EIF2A: variants seen among roughly 807,000 people sequenced by gnomAD.
EIF2A encodes eukaryotic translation initiation factor 2A.
A neutral mutation model predicts 75.2 loss-of-function variants in EIF2A; 62 were observed. The observed-to-expected ratio is 0.82, with a 90% CI of 0.67 to 1.02. The LOEUF (loss-of-function observed/expected upper bound fraction) is 1.02, where lower values mean the gene tolerates loss of function less well. Among genes scored for constraint, EIF2A ranks in the 50% least tolerant of loss-of-function variants. The probability of loss-of-function intolerance (pLI) is 0.00; values close to 1 mark genes in which losing one functional copy is unlikely to be tolerated. For synonymous variants in EIF2A, 207 were observed against 239.0 expected (o/e 0.87, Z 1.23); for missense variants, 611 against 677.7 (o/e 0.90, Z 1.09).
At chr3:150,558,348 A>G in intron 2 of EIF2A, 40 bp from the exon 3 acceptor site, 1 of 1,444,412 alleles carries the variant, frequency 6.9e-7, no homozygotes, top group East Asian at 2.8e-5. Flanking sequence ...AAAAGTATTA[A>G]TGCTTATTCA....
At chr3:150,575,871 T>C in intron 11 of EIF2A, 109 bp downstream of exon 11, 1 of 904,998 alleles carries the variant, frequency 1.1e-6, no homozygotes, top group Middle Eastern at 2.3e-4. Flanking sequence ...AGTGGATCAC[T>C]TGAGGTTAGA....
intron 3 of EIF2A, among the ~76,000 whole-genome samples, chr3:150,561,495 T>G (rs1576592919): frequency 6.6e-6 from 1 of 152,254 alleles, no homozygotes; most frequent in East Asian, 1.9e-4. Flanking sequence ...GGAGAATCAC[T>G]TAAACCCAGG....
At chr3:150,569,420 A>AT (rs11456857) in intron 9 of EIF2A, among the ~76,000 whole-genome samples, 44,036 of 150,072 alleles carry the variant, frequency 0.29, 6,742 homozygotes, top group East Asian at 0.42. Context: ...ATGCTAACTG[A>AT]TTTTTTTTTT....
At position 150,572,106 on chromosome 3, in the gene EIF2A, C is replaced by T; in HGVS notation, c.960C>T (p.Ala320=). The change falls in exon 10 of 14, where the codon GCC becomes GCT. Residue 320 remains alanine (A), a synonymous_variant. Coordinates refer to ENST00000460851, the MANE Select transcript of EIF2A (RefSeq NM_032025.5). ...TTGGAACTGGTCCTCGTAATGCAGC[C>T]TACTATAGCCCTCATGGACATATAT... ...FDFGTGPRNA[A]YYSPHGHILV... is the part of the protein sequence containing the mutation. 6.2e-7 allele frequency: 1 copy of T among 1,613,950 alleles called. No individual in the cohort carries two copies. The highest frequency in any genetic ancestry group is 8.5e-7 in the Non-Finnish European group (1 of 1,179,894).
At chr3:150,551,374 T>G (rs1359800541) in intron 1 of EIF2A, among the ~76,000 whole-genome samples, 1 of 152,170 alleles carries the variant, frequency 6.6e-6, no homozygotes, top group Non-Finnish European at 1.5e-5. Context: ...CACTAAGCAT[T>G]TGTTGACTAA....
chr3:150,558,287 T>C (rs756826748), intron 2 of EIF2A, 101 bp from the exon 3 acceptor site: 2 of 1,050,106 alleles, frequency 1.9e-6, no homozygotes, highest in Middle Eastern at 3.0e-4. Context: ...TGCAAGTTCT[T>C]AGTTATTAAA....
At chr3:150,564,836 G>A (rs1256886555) in intron 6 of EIF2A, 1 of 187,728 alleles carries the variant, frequency 5.3e-6, no homozygotes, top group African/African-American at 2.4e-5. Flanking sequence ...ATATGTAATT[G>A]TAAATATTTC....
chr3:150,550,135 T>C (rs966518519), intron 1 of EIF2A, among the ~76,000 whole-genome samples: 2 of 50,372 alleles, frequency 4.0e-5, no homozygotes, highest in Non-Finnish European at 6.3e-5. Flanking sequence ...CGTTTATTTG[T>C]TGTCTTAAAA....
intron 3 of EIF2A, 151 bp downstream of exon 3, chr3:150,558,613 C>G: frequency 1.8e-6 from 1 of 556,974 alleles, no homozygotes; most frequent in Non-Finnish European, 2.8e-6. Context: ...CACAAAATAC[C>G]TTCAAAGTTG....
chr3:150,580,347 G>A (rs929413109), intron 11 of EIF2A, among the ~76,000 whole-genome samples: 1 of 152,114 alleles, frequency 6.6e-6, no homozygotes, highest in African/African-American at 2.4e-5. Flanking sequence ...GTGATACACA[G>A]TAAGAGATTA....
chr3:150,563,613 T>A lies in EIF2A; in HGVS notation c.391T>A (p.Trp131Arg). 1 of 1,528,512 alleles carries A rather than the reference T, an allele frequency of 6.5e-7. No homozygotes were observed. Among genetic ancestry groups the A allele is most frequent in the African/African-American group, 1.4e-5 (1 of 71,672 alleles). 94.7% of individuals were successfully genotyped at this position (1,528,512 alleles called of 1,614,324 possible). The stretch of plus-strand genomic sequence containing the variant: ...TTTCATCCAGAAAAAAATGCAAAAT[T>A]GGTAAATAAATGGCTTAAAATACTA... ...KSFIQKKMQN[W>R]CPSWSEDETL... The change falls in exon 5 of 14, where the codon TGG becomes AGG. Residue 131 changes from tryptophan (W) to arginine (R), a missense_variant and splice_region_variant. Physicochemically the swap from Trp to Arg is moderately radical, Grantham distance 101. Transcript: ENST00000460851.
At chr3:150,562,705 C>G in intron 4 of EIF2A, 45 bp downstream of exon 4, 3 of 1,431,648 alleles carry the variant, frequency 2.1e-6, no homozygotes, top group Non-Finnish European at 2.9e-6. Context: ...CGATCAATTA[C>G]GTTTAGTGGG....
intron 10 of EIF2A, among the ~76,000 whole-genome samples, chr3:150,573,660 C>T (rs1724676830): frequency 6.6e-6 from 1 of 151,946 alleles, no homozygotes; most frequent in South Asian, 2.1e-4. Context: ...GCTATATGCC[C>T]AGTAATTAGA....
rs577918878 is a variant in EIF2A, at chr3:150,561,491, T to C, written c.174-1051T>C. Among the ~76,000 whole-genome samples, 9 of 152,232 alleles carry C rather than the reference T, an allele frequency of 5.9e-5. No individual in the cohort carries two copies. The South Asian group carries it at 1.9e-3, about 32-fold the overall frequency. ...TACTCGGGAGGCTTAGGCAGGAGAA[T>C]CACTTAAACCCAGGAGGTGGAGGTT... On this transcript the variant is annotated intron_variant, in intron 3 of 13. Coordinates refer to ENST00000460851, the MANE Select transcript of EIF2A (RefSeq NM_032025.5).
intron 3 of EIF2A, 142 bp downstream of exon 3, chr3:150,558,604 A>G (rs6776252): frequency 0.36 from 220,671 of 609,236 alleles, 41,561 homozygotes; most frequent in East Asian, 0.58. Context: ...CTCTCGTTAC[A>G]CAAAATACCT....
intron 2 of EIF2A, among the ~76,000 whole-genome samples, chr3:150,557,358 A>G (rs1003806575): frequency 6.6e-6 from 1 of 152,162 alleles, no homozygotes; most frequent in African/African-American, 2.4e-5. Context: ...AGGGTAGTAT[A>G]GGATGGGGAA....
intron 3 of EIF2A, 92 bp downstream of exon 3, chr3:150,558,554 A>G: frequency 2.6e-6 from 3 of 1,136,322 alleles, no homozygotes; most frequent in Non-Finnish European, 2.4e-6. Context: ...TGTCATTAAT[A>G]AAATCCGTCT....
intron 6 of EIF2A, chr3:150,566,231 A>C (rs969693293): frequency 1.3e-5 from 2 of 152,158 alleles, no homozygotes; most frequent in African/African-American, 4.8e-5. Context: ...CTATATGGTA[A>C]GACAAGTCAT....
intron 11 of EIF2A, among the ~76,000 whole-genome samples, chr3:150,580,512 G>A (rs551783026): frequency 6.6e-6 from 1 of 152,196 alleles, no homozygotes; most frequent in East Asian, 1.9e-4. Context: ...GAATGACCAC[G>A]GCTATAACTT....
Sources: gnomAD v4.1 joint callset for allele counts (sites outside exome capture counted in the v4.1 genomes callset) on GRCh38, gnomAD v4.1.1 for gene constraint, MANE v1.5 for transcripts, NCBI Gene and HGNC (gene_info 2026-07-23, HGNC 2026-07-21) for gene names.